The following CD1B variants were observed in gnomAD, a reference collection of about 807,000 sequenced individuals.
CD1B encodes the protein T-cell surface glycoprotein CD1b.
A neutral mutation model predicts 39.8 loss-of-function variants in CD1B; 43 were observed. That is an observed-to-expected ratio of 1.08 (90% CI 0.85 to 1.39). CD1B has a LOEUF of 1.39. Among genes scored for constraint, CD1B ranks in the 40% most tolerant of loss-of-function variants. The pLI is 0.00. For synonymous variants in CD1B, 192 were observed against 152.5 expected (o/e 1.26, Z -1.91); for missense variants, 495 against 403.8 (o/e 1.23, Z -1.94).
chr1:158,314,801 A>C, the CD1B span, among the ~76,000 whole-genome samples: 171 of 92,452 alleles, frequency 1.8e-3, no homozygotes, highest in East Asian at 4.7e-3. Context: ...TGCTATCCCT[A>C]CCCCCTCCCC....
chr1:158,305,513 T>G, the CD1B span, among the ~76,000 whole-genome samples: 1 of 152,218 alleles, frequency 6.6e-6, no homozygotes, highest in African/African-American at 2.4e-5. Flanking sequence ...CTCTGCAGGA[T>G]ATTATCCAGG....
the CD1B span, among the ~76,000 whole-genome samples, chr1:158,320,390 C>T: frequency 5.9e-5 from 9 of 152,290 alleles, no homozygotes; most frequent in African/African-American, 1.7e-4. Context: ...GTTGGAAAAG[C>T]GCAGTATTCG....
At chr1:158,291,614 C>T in the CD1B span, among the ~76,000 whole-genome samples, 1 of 152,102 alleles carries the variant, frequency 6.6e-6, no homozygotes, top group Non-Finnish European at 1.5e-5. Flanking sequence ...TTGTTATCTT[C>T]CACCTGTGGT....
the CD1B span, among the ~76,000 whole-genome samples, chr1:158,309,065 C>T: frequency 2.6e-5 from 4 of 152,100 alleles, no homozygotes; most frequent in South Asian, 4.2e-4. Flanking sequence ...TGGGAGAAAA[C>T]TTTTGCAACC....
chr1:158,292,911 T>A, the CD1B span: 3 of 1,606,180 alleles, frequency 1.9e-6, no homozygotes, highest in Non-Finnish European at 2.6e-6. Flanking sequence ...TAGGTGGTTC[T>A]TGAGCCTAGA....
At chr1:158,302,888 T>A in the CD1B span, among the ~76,000 whole-genome samples, 8 of 152,150 alleles carry the variant, frequency 5.3e-5, no homozygotes, top group Non-Finnish European at 8.8e-5. Flanking sequence ...CTTTGAAAAC[T>A]ATTCCAAAAA....
the CD1B span, chr1:158,290,158 T>A: frequency 6.3e-7 from 1 of 1,597,304 alleles, no homozygotes; most frequent in Non-Finnish European, 8.6e-7. Context: ...CAAGGTTACA[T>A]GTATCTGGGT....
At chr1:158,327,125 C>T (rs539873859), downstream of CD1B, among the ~76,000 whole-genome samples, 39 of 152,232 alleles carry the variant, frequency 2.6e-4, no homozygotes, top group African/African-American at 7.0e-4. Flanking sequence ...AATGGACCAG[C>T]GCTGGCTGGT....
At chr1:158,312,824 T>C in the CD1B span, among the ~76,000 whole-genome samples, 3 of 152,206 alleles carry the variant, frequency 2.0e-5, no homozygotes, top group African/African-American at 7.2e-5. Context: ...TTCTTTTTAA[T>C]TGTATGCCCC....
chr1:158,308,060 T>C, the CD1B span, among the ~76,000 whole-genome samples: 7 of 152,266 alleles, frequency 4.6e-5, no homozygotes, highest in East Asian at 1.2e-3. Flanking sequence ...TGTTTGCAGA[T>C]GACATGATTG....
chr1:158,320,204 C>T, the CD1B span, among the ~76,000 whole-genome samples: 4 of 152,250 alleles, frequency 2.6e-5, no homozygotes, highest in African/African-American at 7.2e-5. Context: ...AGCTTCCTGG[C>T]TGCTTTGTTT....
At chr1:158,317,570 C>G in the CD1B span, among the ~76,000 whole-genome samples, 2 of 151,774 alleles carry the variant, frequency 1.3e-5, no homozygotes, top group Non-Finnish European at 1.5e-5. Context: ...CTTTATTAGT[C>G]TTGCTAGTGG....
At chr1:158,295,145 G>A in the CD1B span, among the ~76,000 whole-genome samples, 1 of 152,100 alleles carries the variant, frequency 6.6e-6, no homozygotes, top group Non-Finnish European at 1.5e-5. Flanking sequence ...GAAGAGACAA[G>A]ATGGCTGACT....
chr1:158,316,581 TATACAATCA>T, the CD1B span, among the ~76,000 whole-genome samples: 1 of 151,788 alleles, frequency 6.6e-6, no homozygotes, highest in African/African-American at 2.4e-5. Flanking sequence ...GTTTTCTAGA[TATACAATCA>T]TGTCGTCTGC....
the CD1B span, among the ~76,000 whole-genome samples, chr1:158,286,887 T>G: frequency 6.6e-6 from 1 of 152,144 alleles, no homozygotes; most frequent in Non-Finnish European, 1.5e-5. Flanking sequence ...ACAGACTGAT[T>G]TATCTCACTG....
chr1:158,296,473 A>G, the CD1B span, among the ~76,000 whole-genome samples: 5 of 152,200 alleles, frequency 3.3e-5, no homozygotes, highest in Admixed American at 6.5e-5. Context: ...TTAAACGTTT[A>G]AGGAACATCA....
the CD1B span, among the ~76,000 whole-genome samples, chr1:158,316,918 T>C: frequency 1.8e-4 from 27 of 151,966 alleles, no homozygotes; most frequent in Non-Finnish European, 2.8e-4. Flanking sequence ...GAGATAATCA[T>C]GTGGTTTTTG....
chr1:158,309,489 C>A, the CD1B span, among the ~76,000 whole-genome samples: 1 of 151,958 alleles, frequency 6.6e-6, no homozygotes, highest in South Asian at 2.1e-4. Context: ...GGTTATATAC[C>A]CAAAGGATTA....
rs776888419 is a variant in CD1B at position 158,331,416 on chromosome 1, A to C, written c.8T>G (p.Leu3Arg). The C allele has an allele frequency of 6.2e-7, 1 of 1,613,716 alleles. No homozygotes were observed. The highest frequency in any genetic ancestry group is 2.2e-5 in the East Asian group (1 of 44,886). ML[L>R]LPFQLLAVLF... ...AACAGCTAACAGTTGAAATGGCAGC[A>C]GCAGCATTTCACTGGGAGATGCAAC... Residue 3 changes from leucine (L) to arginine (R), a missense_variant, in exon 1 of 6, where the codon CTG becomes CGG. Leu to Arg is a moderately radical substitution (Grantham distance 102). Coordinates refer to ENST00000368168, the MANE Select transcript of CD1B (RefSeq NM_001764.3).
Sources: gnomAD v4.1 joint callset for allele counts (sites outside exome capture counted in the v4.1 genomes callset) on GRCh38, gnomAD v4.1.1 for gene constraint, MANE v1.5 for transcripts, NCBI Gene and HGNC (gene_info 2026-07-23, HGNC 2026-07-21) for gene names.